Variants in EVC2 observed in about 807,000 individuals in gnomAD.
The protein encoded by EVC2 is limbin.
In EVC2, 148 loss-of-function variants were observed where a neutral mutation model predicts 149.3. That is an observed-to-expected ratio of 0.99 (90% CI 0.87 to 1.14). The LOEUF is 1.14. Ranked by LOEUF, EVC2 falls within the 50% of genes most tolerant of loss-of-function variation. The pLI, the probability that EVC2 is intolerant of heterozygous loss-of-function variation, is 0.00. For synonymous variants in EVC2, 776 were observed against 649.9 expected, an observed-to-expected ratio of 1.19 and a Z score of -2.95; for missense variants, 1,854 against 1,627.3, an observed-to-expected ratio of 1.14 and a Z score of -2.40.
At chr4:5,643,676 T>C (rs971616189) in intron 9 of EVC2, among the ~76,000 whole-genome samples, 1 of 152,162 alleles carries the variant, frequency 6.6e-6, no homozygotes, top group African/African-American at 2.4e-5. Flanking sequence ...ATCCCAGCAC[T>C]TTGGGAGGCC....
chr4:5,651,486 G>A (rs1257412131), intron 9 of EVC2, among the ~76,000 whole-genome samples: 1 of 152,174 alleles, frequency 6.6e-6, no homozygotes, highest in Admixed American at 6.5e-5. Flanking sequence ...GTGAATGGGT[G>A]GGTGGGTAGA....
chr4:5,686,371 A>ATC lies in EVC2; in HGVS notation c.707-893_707-892insGA, dbSNP rs1720712560. On this transcript the variant is annotated intron_variant, in intron 5 of 21. Transcript: ENST00000344408. This position sits in a 1 kb window ranked among gnomAD's most constrained non-coding sequence, Gnocchi z 5.4. ...TGCTCATCTCATTTTATTTTTATATAACCTAGAGCTAAGATAATGAACGTA... is the reference window on the plus strand; with the variant it reads ...TGCTCATCTCATTTTATTTTTATATATCACCTAGAGCTAAGATAATGAACGTA... 6.6e-6 allele frequency among the ~76,000 whole-genome samples: 1 copy of ATC among 152,056 alleles called. No homozygotes were observed. Among genetic ancestry groups the ATC allele is most frequent in the Admixed American group, 6.6e-5 (1 of 15,254 alleles).
chr4:5,566,569 C>T (rs925693781), intron 20 of EVC2, among the ~76,000 whole-genome samples: 5 of 152,166 alleles, frequency 3.3e-5, no homozygotes, highest in East Asian at 1.9e-4. Context: ...ATGTAATGGC[C>T]GGATGCTAGC....
chr4:5,584,412 A>G (rs998044215), intron 17 of EVC2, among the ~76,000 whole-genome samples: 3 of 152,184 alleles, frequency 2.0e-5, no homozygotes, highest in Admixed American at 1.3e-4. Context: ...TTAAAATCCA[A>G]AAGGGTTGCT....
At chr4:5,631,429 C>G (rs1340504957) in intron 11 of EVC2, among the ~76,000 whole-genome samples, 3 of 152,174 alleles carry the variant, frequency 2.0e-5, no homozygotes, top group Non-Finnish European at 2.9e-5. Flanking sequence ...TTATGCCAAG[C>G]ACTAACTTTC....
chr4:5,702,115 G>A (rs982348285), intron 1 of EVC2, among the ~76,000 whole-genome samples: 4 of 152,110 alleles, frequency 2.6e-5, no homozygotes, highest in Admixed American at 2.6e-4. Context: ...CATCTTACTC[G>A]GAACAACTGT....
Position 5,691,264 on chromosome 4 carries a change from C to A in EVC2, c.519+1G>T, listed in dbSNP as rs1339651649. ...AATATACACCACCAGTGGAAACTTA[C>A]CAGTGCACATTTCTGAAAAATTACT... On this transcript the variant is annotated splice_donor_variant, in intron 4 of 21. Coordinates refer to ENST00000344408, the MANE Select transcript of EVC2 (RefSeq NM_147127.5). LOFTEE classifies it high-confidence loss of function. The A allele has an allele frequency of 3.7e-6, 6 of 1,612,968 alleles. No homozygotes were observed. Among genetic ancestry groups the A allele is most frequent in the Non-Finnish European group, 5.1e-6 (6 of 1,179,084 alleles).
intron 3 of EVC2, among the ~76,000 whole-genome samples, chr4:5,692,590 G>C (rs368309324): frequency 1.3e-5 from 2 of 152,064 alleles, no homozygotes; most frequent in African/African-American, 4.8e-5. Flanking sequence ...CAAAAATGCC[G>C]GGCGCGGTGG....
rs552530218 is a variant in EVC2 at position 5,657,791 on chromosome 4, A to C, written c.1145+5316T>G. Among the ~76,000 whole-genome samples the C allele has an allele frequency of 6.6e-6, 1 of 152,172 alleles. No individual in the cohort carries two copies. Among genetic ancestry groups the C allele is most frequent in the Non-Finnish European group, 1.5e-5 (1 of 68,022 alleles). ...CGGCAGCCTTGAGTGTTGTGAAGAA[A>C]ATCAGAATTTCAGGATAAAGAATGG... is the stretch of plus-strand genomic sequence containing the variant. On this transcript the variant is annotated intron_variant, in intron 9 of 21. Coordinates refer to ENST00000344408, the MANE Select transcript of EVC2 (RefSeq NM_147127.5). This position sits in a 1 kb window ranked among gnomAD's most constrained non-coding sequence, Gnocchi z 4.7.
intron 9 of EVC2, among the ~76,000 whole-genome samples, chr4:5,662,460 AT>A: frequency 6.9e-6 from 1 of 145,726 alleles, no homozygotes; most frequent in South Asian, 2.1e-4. Flanking sequence ...TTATTCAATA[AT>A]TATTATTAAT....
intron 19 of EVC2, among the ~76,000 whole-genome samples, chr4:5,572,330 A>C (rs1181842607): frequency 6.6e-6 from 1 of 152,218 alleles, no homozygotes; most frequent in African/African-American, 2.4e-5. Flanking sequence ...ACTCATGTTG[A>C]AACTTAACCA....
rs1560208675 is a variant in EVC2 at position 5,665,616 on chromosome 4, AC to A, written c.903del (p.Phe302SerfsTer11). The part of the protein sequence containing the change: ...VLPHHGLHAA[G>X]FFIAFLLSLV... ...AGGGAGAGGAGGAAGGCAATGAAGAACCCTGCTGCGTGGAGGCCGTGGTGCG... is the reference window on the plus strand; with the variant it reads ...AGGGAGAGGAGGAAGGCAATGAAGAACCTGCTGCGTGGAGGCCGTGGTGCG... On this transcript the variant is annotated frameshift_variant, in exon 8 of 22. Coordinates refer to ENST00000344408, the MANE Select transcript of EVC2 (RefSeq NM_147127.5). LOFTEE classifies it high-confidence loss of function. 1 of 1,614,038 alleles carries A rather than the reference AC, an allele frequency of 6.2e-7. No homozygotes were observed. Among genetic ancestry groups the A allele is most frequent in the East Asian group, 2.2e-5 (1 of 44,886 alleles).
Position 5,633,346 on chromosome 4 carries a change from G to A in EVC2, c.1471-1314C>T, listed in dbSNP as rs1418258399. Among the ~76,000 whole-genome samples the A allele has an allele frequency of 6.6e-6, 1 of 152,234 alleles. No homozygotes were observed. Among genetic ancestry groups the A allele is most frequent in the Non-Finnish European group, 1.5e-5 (1 of 68,038 alleles). On this transcript the variant is annotated intron_variant, in intron 10 of 21. Coordinates refer to ENST00000344408, the MANE Select transcript of EVC2 (RefSeq NM_147127.5). The surrounding 1 kb of genome is among the most constrained non-coding windows in gnomAD (Gnocchi z 4.4). ...ATAGGTCACAGTGAAGCTGTGCCCA[G>A]ACTCCTGACCATGGACACTGAGACA...
intron 6 of EVC2, among the ~76,000 whole-genome samples, chr4:5,681,934 T>TA (rs1393325580): frequency 6.6e-6 from 1 of 151,936 alleles, no homozygotes; most frequent in African/African-American, 2.4e-5. Flanking sequence ...TATAGGGTGG[T>TA]GGTTAGGGCC....
At chr4:5,590,481 G>A (rs1426627494) in intron 16 of EVC2, among the ~76,000 whole-genome samples, 1 of 151,478 alleles carries the variant, frequency 6.6e-6, no homozygotes, top group East Asian at 1.9e-4. Context: ...CCATCATTAG[G>A]TTTTCTTCCC....
At chr4:5,641,136 T>C (rs546005480) in intron 9 of EVC2, among the ~76,000 whole-genome samples, 8 of 152,304 alleles carry the variant, frequency 5.3e-5, no homozygotes, top group Admixed American at 5.2e-4. Flanking sequence ...GAAAAATGGA[T>C]AGCTAATATA....
At chr4:5,675,890 G>A (rs1411470757) in intron 7 of EVC2, among the ~76,000 whole-genome samples, 1 of 152,208 alleles carries the variant, frequency 6.6e-6, no homozygotes, top group Non-Finnish European at 1.5e-5. Context: ...GTTGCCGTGA[G>A]CCGAGATCGC....
At chr4:5,707,571 G>A (rs932368085) in intron 1 of EVC2, among the ~76,000 whole-genome samples, 1 of 152,144 alleles carries the variant, frequency 6.6e-6, no homozygotes, top group South Asian at 2.1e-4. Flanking sequence ...AAATGGATGG[G>A]AGACGTGGGA....
chr4:5,548,707 AT>A (rs1301691321), intron 21 of EVC2, among the ~76,000 whole-genome samples: 2 of 152,120 alleles, frequency 1.3e-5, no homozygotes, highest in African/African-American at 4.8e-5. Flanking sequence ...AATATGAAAA[AT>A]TATTTTCTCT....
Sources: allele counts gnomAD v4.1 joint callset (sites outside exome capture counted in the v4.1 genomes callset), GRCh38; gene constraint gnomAD v4.1.1; non-coding constraint Gnocchi (gnomAD v3.1); transcripts MANE v1.5; gene names NCBI Gene and HGNC (gene_info 2026-07-23, HGNC 2026-07-21).